Variants in PTPN13 observed in about 807,000 individuals in gnomAD.
The protein encoded by PTPN13 is protein tyrosine phosphatase non-receptor type 13, also known as tyrosine-protein phosphatase non-receptor type 13.
PTPN13 carries 191 observed loss-of-function variants against 284.0 expected under a neutral mutation model. That is an observed-to-expected ratio of 0.67 (90% CI 0.60 to 0.76). The LOEUF is 0.76. Among genes scored for constraint, PTPN13 ranks in the 30% least tolerant of loss-of-function variants. PTPN13 has a pLI of 0.00. For missense variants in PTPN13, 2,797 were observed against 2,939.9 expected, an observed-to-expected ratio of 0.95 and a Z score of 1.12; for synonymous variants, 986 against 1,022.3, an observed-to-expected ratio of 0.96 and a Z score of 0.68.
At chr4:86,667,687 G>A (rs1727238812) in intron 2 of PTPN13, among the ~76,000 whole-genome samples, 1 of 152,182 alleles carries the variant, frequency 6.6e-6, no homozygotes, top group Admixed American at 6.5e-5. Context: ...AAATCCTTCA[G>A]AGTTTGGAAC....
At chr4:86,654,661 C>A (rs1027641164) in intron 2 of PTPN13, among the ~76,000 whole-genome samples, 2 of 152,126 alleles carry the variant, frequency 1.3e-5, no homozygotes, top group Non-Finnish European at 2.9e-5. Flanking sequence ...TTACTTCCAA[C>A]TATGTGGTCA....
chr4:86,814,601 C>A lies in PTPN13; in HGVS notation c.*50C>A, dbSNP rs1266857905. The A allele has an allele frequency of 7.1e-7, 1 of 1,417,924 alleles. No homozygotes were observed. The highest frequency in any genetic ancestry group is 1.2e-5 in the South Asian group (1 of 85,326). The allele number at this position is 1,417,924 out of a possible 1,614,324, so 87.8% of individuals were successfully genotyped here. ...TTCCATTTCTCTCCTTAACCTCCAG[C>A]AGACTCCTGCTCTCTATCCAAAATA... On this transcript the variant is annotated 3_prime_UTR_variant, in exon 48 of 48. Coordinates refer to ENST00000411767, the MANE Select transcript of PTPN13 (RefSeq NM_080683.3).
chr4:86,716,594 T>C lies in PTPN13; in HGVS notation c.1260T>C (p.Ser420=). 1.9e-6 allele frequency: 3 copies of C among 1,597,478 alleles called. No homozygotes were observed. Among genetic ancestry groups the C allele is most frequent in the Non-Finnish European group, 2.6e-6 (3 of 1,171,738 alleles). Residue 420 remains serine (S), a synonymous_variant, in exon 8 of 48, where the codon TCT becomes TCC. Coordinates refer to ENST00000411767, the MANE Select transcript of PTPN13 (RefSeq NM_080683.3). ...DVFSTSSESP[S]IISSESDFRQ... is the part of the protein sequence containing the mutation. The stretch of plus-strand genomic sequence containing the variant: ...TTAGTACCTCCAGTGAAAGTCCATC[T>C]ATTATTTCCTCTGAATCAGATTTCA...
chr4:86,704,133 G>A (rs1731467703), intron 7 of PTPN13, among the ~76,000 whole-genome samples: 1 of 152,120 alleles, frequency 6.6e-6, no homozygotes, highest in Non-Finnish European at 1.5e-5. Context: ...GCAGTGAACC[G>A]AGATCGCGCC....
chr4:86,663,417 C>T (rs1726736317), intron 2 of PTPN13, among the ~76,000 whole-genome samples: 1 of 152,152 alleles, frequency 6.6e-6, no homozygotes, highest in South Asian at 2.1e-4. Flanking sequence ...CTTAGCAAGG[C>T]CTTTTTGATC....
chr4:86,719,458 G>A (rs537020336), intron 9 of PTPN13, among the ~76,000 whole-genome samples: 8 of 152,166 alleles, frequency 5.3e-5, no homozygotes, highest in Admixed American at 1.3e-4. Context: ...GTGTCTTTAC[G>A]GTAGAGTGAT....
chr4:86,638,484 TAG>T (rs973023652), intron 2 of PTPN13, among the ~76,000 whole-genome samples: 1 of 152,066 alleles, frequency 6.6e-6, no homozygotes, highest in African/African-American at 2.4e-5. Flanking sequence ...AACAGAGATA[TAG>T]ATGAATGGAA....
chr4:86,746,921 T>C (rs1333873782), intron 17 of PTPN13, among the ~76,000 whole-genome samples: 1 of 152,206 alleles, frequency 6.6e-6, no homozygotes, highest in Non-Finnish European at 1.5e-5. Context: ...CATGCTAAAA[T>C]ACAATAACCA....
chr4:86,648,083 C>A (rs560670405), intron 2 of PTPN13, among the ~76,000 whole-genome samples: 20 of 152,010 alleles, frequency 1.3e-4, no homozygotes, highest in African/African-American at 4.1e-4. Flanking sequence ...AACAGAATAT[C>A]ATTTTTATTT....
chr4:86,672,083 A>G (rs1212071128), intron 2 of PTPN13, among the ~76,000 whole-genome samples: 1 of 152,244 alleles, frequency 6.6e-6, no homozygotes, highest in Non-Finnish European at 1.5e-5. Flanking sequence ...TTTAATTCTT[A>G]AGAACAATGA....
intron 15 of PTPN13, 87 bp downstream of exon 15, chr4:86,735,833 G>A: frequency 8.1e-7 from 1 of 1,230,310 alleles, no homozygotes; most frequent in South Asian, 1.5e-5. Context: ...AAGAGTTCAA[G>A]TGCCAGTAAC....
intron 23 of PTPN13, among the ~76,000 whole-genome samples, chr4:86,759,489 A>G (rs1476735347): frequency 1.3e-5 from 2 of 152,196 alleles, no homozygotes; most frequent in Non-Finnish European, 1.5e-5. Flanking sequence ...CTTGAGCCAT[A>G]GTTTTCTTTT....
At chr4:86,740,181 C>T (rs979598733) in intron 15 of PTPN13, among the ~76,000 whole-genome samples, 3 of 152,202 alleles carry the variant, frequency 2.0e-5, no homozygotes, top group African/African-American at 7.2e-5. Context: ...AAGTGGTGCT[C>T]CAGTTGGCAC....
At chr4:86,669,225 A>C (rs1727446176) in intron 2 of PTPN13, among the ~76,000 whole-genome samples, 1 of 146,020 alleles carries the variant, frequency 6.8e-6, no homozygotes, top group African/African-American at 2.5e-5. Context: ...TGTATGTATT[A>C]TCTCCCCAAT....
rs143647187 is a variant in PTPN13, at chr4:86,803,064, CTGTGTGTGTGTGTG to C, written c.6506-619_6506-606del. ...CTTCAGCCTGGGCTACAGAATAAGA[CTGTGTGTGTGTGTG>C]TGTGTGTGTGTGTGTGTGTGTGTGT... is the stretch of plus-strand genomic sequence containing the variant. On this transcript the variant is annotated intron_variant, in intron 42 of 47. Transcript: ENST00000411767. 6.6e-5 allele frequency among the ~76,000 whole-genome samples: 9 copies of C among 136,154 alleles called. No individual in the cohort carries two copies. The South Asian group carries it at 1.2e-3, about 19-fold the overall frequency. 89.3% of individuals were successfully genotyped at this position (136,154 alleles called of 152,430 possible). A position where few individuals can be genotyped will look rare whatever the true frequency, so the allele number is the denominator to read the frequency against.
intron 10 of PTPN13, among the ~76,000 whole-genome samples, chr4:86,722,750 T>G (rs1014148300): frequency 4.6e-5 from 7 of 152,212 alleles, no homozygotes; most frequent in Non-Finnish European, 1.0e-4. Flanking sequence ...TTTTTTCATA[T>G]TAAGAAATTT....
intron 1 of PTPN13, among the ~76,000 whole-genome samples, chr4:86,632,879 G>C (rs1722615430): frequency 6.6e-6 from 1 of 152,030 alleles, no homozygotes; most frequent in Non-Finnish European, 1.5e-5. Flanking sequence ...CATGATCATA[G>C]CTCACTGTAA....
intron 10 of PTPN13, among the ~76,000 whole-genome samples, chr4:86,728,202 T>G (rs546306343): frequency 6.7e-6 from 1 of 149,856 alleles, no homozygotes; most frequent in African/African-American, 2.4e-5. Context: ...ATTTCTGTTC[T>G]TTTACATTTG....
intron 17 of PTPN13, 129 bp from the exon 18 acceptor site, chr4:86,750,341 T>C (rs1003119363): frequency 3.6e-6 from 3 of 839,578 alleles, no homozygotes; most frequent in African/African-American, 3.4e-5. Context: ...TGCCACACTT[T>C]GAAAGCTACC....
Sources: gnomAD v4.1 joint callset for allele counts (sites outside exome capture counted in the v4.1 genomes callset) on GRCh38, gnomAD v4.1.1 for gene constraint, MANE v1.5 for transcripts, NCBI Gene and HGNC (gene_info 2026-07-23, HGNC 2026-07-21) for gene names.